Variants in KHDRBS2 observed in about 807,000 individuals in gnomAD.
KHDRBS2 encodes the protein KH RNA binding domain containing, signal transduction associated 2.
Under a neutral mutation model 44.3 loss-of-function variants are expected in KHDRBS2, and 26 were observed. The observed-to-expected ratio is 0.59, with a 90% CI of 0.43 to 0.81. The LOEUF is 0.81. Ranked by LOEUF, KHDRBS2 falls within the 40% of genes least tolerant of loss-of-function variation. KHDRBS2 has a pLI of 0.00. For missense variants in KHDRBS2, 476 were observed against 433.1 expected (o/e 1.10, Z -0.88); for synonymous variants, 194 against 151.1 (o/e 1.28, Z -2.08).
chr6:62,128,342 T>G (rs1450619277), intron 2 of KHDRBS2, among the ~76,000 whole-genome samples: 4 of 152,118 alleles, frequency 2.6e-5, no homozygotes, highest in Non-Finnish European at 5.9e-5. Flanking sequence ...TCAGTCTACT[T>G]TTAATGGCCA....
chr6:61,613,573 A>ACACCCACTCCCTACTATTTTCTTT, the KHDRBS2 span, among the ~76,000 whole-genome samples: 1 of 151,988 alleles, frequency 6.6e-6, no homozygotes, highest in Non-Finnish European at 1.5e-5. Flanking sequence ...TTTTTTTCTT[A>ACACCCACTCCCTACTATTTTCTTT]CACCCACTCC....
chr6:61,804,713 C>T (rs1358416054), intron 6 of KHDRBS2, among the ~76,000 whole-genome samples: 1 of 152,206 alleles, frequency 6.6e-6, no homozygotes, highest in Non-Finnish European at 1.5e-5. Context: ...TTATGGCTTG[C>T]ACCCTCTGAA....
intron 6 of KHDRBS2, among the ~76,000 whole-genome samples, chr6:61,843,640 C>T (rs1384035855): frequency 6.6e-6 from 1 of 152,064 alleles, no homozygotes; most frequent in African/African-American, 2.4e-5. Flanking sequence ...GCTGGGATTA[C>T]AGGCGTGAGC....
intron 6 of KHDRBS2, among the ~76,000 whole-genome samples, chr6:61,815,969 G>T (rs1181103180): frequency 6.6e-6 from 1 of 152,072 alleles, no homozygotes; most frequent in Non-Finnish European, 1.5e-5. Context: ...TTTCAACCAT[G>T]CTGCTTAGCT....
intron 6 of KHDRBS2, among the ~76,000 whole-genome samples, chr6:61,882,072 C>A (rs1310774298): frequency 6.6e-6 from 1 of 151,988 alleles, no homozygotes; most frequent in East Asian, 1.9e-4. Flanking sequence ...ACATTAGAAG[C>A]AAAATATCTC....
chr6:61,870,194 T>G (rs1299533414), intron 6 of KHDRBS2, among the ~76,000 whole-genome samples: 1 of 151,966 alleles, frequency 6.6e-6, no homozygotes, highest in Admixed American at 6.5e-5. Flanking sequence ...TCGAGCTTGG[T>G]GGCGGTGTGG....
intron 3 of KHDRBS2, among the ~76,000 whole-genome samples, chr6:62,015,281 A>T (rs1355001374): frequency 1.3e-5 from 2 of 152,194 alleles, no homozygotes; most frequent in Non-Finnish European, 2.9e-5. Context: ...ACAGATAAAG[A>T]CACTGAAGTC....
At chr6:61,954,854 G>GTATATA in intron 4 of KHDRBS2, among the ~76,000 whole-genome samples, 1 of 101,080 alleles carries the variant, frequency 9.9e-6, no homozygotes, top group African/African-American at 3.6e-5. Flanking sequence ...ACATATGCAT[G>GTATATA]TGTATATACA....
the KHDRBS2 span, among the ~76,000 whole-genome samples, chr6:61,582,627 A>G: frequency 6.6e-6 from 1 of 151,718 alleles, no homozygotes; most frequent in African/African-American, 2.4e-5. Flanking sequence ...AATTTTATAA[A>G]GCTAGCATAA....
At chr6:61,994,183 C>T (rs564872484) in intron 3 of KHDRBS2, among the ~76,000 whole-genome samples, 3 of 152,244 alleles carry the variant, frequency 2.0e-5, no homozygotes, top group South Asian at 4.1e-4. Context: ...CTCAGGAATT[C>T]TAATAAAGCC....
At chr6:61,715,351 C>T (rs1425419248) in intron 7 of KHDRBS2, among the ~76,000 whole-genome samples, 1 of 152,072 alleles carries the variant, frequency 6.6e-6, no homozygotes, top group Non-Finnish European at 1.5e-5. Context: ...ACCTAAAACT[C>T]TATCCCAATA....
intron 6 of KHDRBS2, among the ~76,000 whole-genome samples, chr6:61,771,420 G>A (rs1157908572): frequency 2.0e-5 from 3 of 152,142 alleles, no homozygotes; most frequent in Admixed American, 6.5e-5. Flanking sequence ...AGACTCATCA[G>A]TGTGCTGTAC....
the KHDRBS2 span, among the ~76,000 whole-genome samples, chr6:61,578,802 G>A: frequency 6.6e-6 from 1 of 152,240 alleles, no homozygotes; most frequent in South Asian, 2.1e-4. Flanking sequence ...AGGGCAATGA[G>A]AAGAGGATTT....
the KHDRBS2 span, among the ~76,000 whole-genome samples, chr6:61,577,039 G>A: frequency 6.6e-6 from 1 of 151,904 alleles, no homozygotes; most frequent in Non-Finnish European, 1.5e-5. Context: ...CTGTATTGTG[G>A]GTAGAATCTT....
At chr6:61,658,705 G>A in the KHDRBS2 span, among the ~76,000 whole-genome samples, 1 of 151,842 alleles carries the variant, frequency 6.6e-6, no homozygotes, top group Non-Finnish European at 1.5e-5. Flanking sequence ...ACGCAGTTAA[G>A]AACCACTGTT....
chr6:61,681,063 GT>G lies in KHDRBS2; in HGVS notation c.953-4del. 1 of 1,603,754 alleles carries G rather than the reference GT, an allele frequency of 6.2e-7. No homozygotes were observed. The highest frequency in any genetic ancestry group is 8.5e-7 in the Non-Finnish European group (1 of 1,171,814). The stretch of plus-strand genomic sequence containing the variant: ...GGTTGTGGCCCATTCTTCTGGTGCT[GT>G]GAAAAAGAGAAAGATAGTAACACAC... On this transcript the variant is annotated splice_polypyrimidine_tract_variant and splice_region_variant and intron_variant, in intron 8 of 8. Coordinates refer to ENST00000281156, the MANE Select transcript of KHDRBS2 (RefSeq NM_152688.4).
the KHDRBS2 span, among the ~76,000 whole-genome samples, chr6:61,593,896 C>T: frequency 1.3e-5 from 2 of 152,104 alleles, no homozygotes; most frequent in African/African-American, 4.8e-5. Flanking sequence ...TTCTCCAAGT[C>T]TATTGGCTTT....
At chr6:61,892,116 CAGAG>C (rs1413322019) in intron 6 of KHDRBS2, among the ~76,000 whole-genome samples, 1 of 152,098 alleles carries the variant, frequency 6.6e-6, no homozygotes, top group Non-Finnish European at 1.5e-5. Flanking sequence ...AACAGACAAA[CAGAG>C]AGCCAAATCA....
At chr6:61,853,431 T>G (rs1795735648) in intron 6 of KHDRBS2, among the ~76,000 whole-genome samples, 2 of 152,172 alleles carry the variant, frequency 1.3e-5, no homozygotes, top group Admixed American at 1.3e-4. Context: ...TAATTACAGT[T>G]ATGTGATCAA....
Sources: gnomAD v4.1 joint callset for allele counts (sites outside exome capture counted in the v4.1 genomes callset) on GRCh38, gnomAD v4.1.1 for gene constraint, MANE v1.5 for transcripts, NCBI Gene and HGNC (gene_info 2026-07-23, HGNC 2026-07-21) for gene names.